Variants in SASS6 observed in about 807,000 individuals in gnomAD.
The protein encoded by SASS6 is spindle assembly abnormal protein 6 homolog.
Under a neutral mutation model 94.9 loss-of-function variants are expected in SASS6, and 59 were observed. The observed-to-expected ratio is 0.62, with a 90% CI of 0.50 to 0.77. The LOEUF (loss-of-function observed/expected upper bound fraction) is 0.77, where lower values mean the gene tolerates loss of function less well. Ranked by LOEUF, SASS6 falls within the 30% of genes least tolerant of loss-of-function variation. The pLI, the probability that SASS6 is intolerant of heterozygous loss-of-function variation, is 0.00. For missense variants in SASS6, 698 were observed against 734.1 expected (o/e 0.95, Z 0.57); for synonymous variants, 264 against 270.0 (o/e 0.98, Z 0.22).
chr1:100,097,774 A>G (rs512999), intron 14 of SASS6, among the ~76,000 whole-genome samples: 33,375 of 152,074 alleles, frequency 0.22, 5,137 homozygotes, highest in African/African-American at 0.44. Flanking sequence ...AGGCTGCAAT[A>G]AGCCATGATC....
intron 14 of SASS6, among the ~76,000 whole-genome samples, chr1:100,099,800 G>C (rs1652337871): frequency 6.6e-6 from 1 of 152,078 alleles, no homozygotes; most frequent in South Asian, 2.1e-4. Context: ...ATTGTGTACG[G>C]CATTTCCAGA....
intron 14 of SASS6, among the ~76,000 whole-genome samples, chr1:100,095,067 A>C (rs180860121): frequency 6.6e-6 from 1 of 152,292 alleles, no homozygotes; most frequent in East Asian, 1.9e-4. Context: ...TTTAACAACC[A>C]TTCATGATAA....
rs1653000672 is a variant in SASS6 at position 100,107,559 on chromosome 1, A to G, written c.1147-6T>C. On this transcript the variant is annotated splice_region_variant and splice_polypyrimidine_tract_variant and intron_variant, in intron 10 of 16. Coordinates refer to ENST00000287482, the MANE Select transcript of SASS6 (RefSeq NM_194292.3). The stretch of plus-strand genomic sequence containing the variant: ...TTCTTGATAATTTCATTTGCCTATA[A>G]AAGAGCTTCATATGTATATTTCTAT... 6.3e-7 allele frequency: 1 copy of G among 1,586,434 alleles called. No homozygotes were observed. The highest frequency in any genetic ancestry group is 1.4e-5 in the African/African-American group (1 of 73,676).
chr1:100,097,759 G>T (rs993654404), intron 14 of SASS6, among the ~76,000 whole-genome samples: 2 of 152,108 alleles, frequency 1.3e-5, no homozygotes, highest in Non-Finnish European at 2.9e-5. Context: ...AGCCCAGGGA[G>T]GTCGAGGCTG....
At chr1:100,119,613 TG>T (rs1345534491) in intron 6 of SASS6, among the ~76,000 whole-genome samples, 1 of 152,154 alleles carries the variant, frequency 6.6e-6, no homozygotes, top group Admixed American at 6.5e-5. Context: ...GCAGGGCCTG[TG>T]GTAGGTGATT....
chr1:100,107,364 T>G lies in SASS6; in HGVS notation c.1326+10A>C. ...TTAGTTACAACATAAAAATTTAAAA[T>G]ATTAACTACCTCTTGCTCTTTAATT... is the stretch of plus-strand genomic sequence containing the variant. On this transcript the variant is annotated intron_variant, in intron 11 of 16. Coordinates refer to ENST00000287482, the MANE Select transcript of SASS6 (RefSeq NM_194292.3). The G allele has an allele frequency of 2.0e-6, 3 of 1,530,632 alleles. No homozygotes were observed. Among genetic ancestry groups the G allele is most frequent in the Non-Finnish European group, 1.8e-6 (2 of 1,128,206 alleles). 94.8% of individuals were successfully genotyped at this position (1,530,632 alleles called of 1,614,324 possible). A position where few individuals can be genotyped will look rare whatever the true frequency, so the allele number is the denominator to read the frequency against.
At chr1:100,131,066 C>G (rs1379322837) in intron 1 of SASS6, among the ~76,000 whole-genome samples, 2 of 152,172 alleles carry the variant, frequency 1.3e-5, no homozygotes, top group African/African-American at 2.4e-5. Context: ...CTAGGAGTTT[C>G]CATATTGAAA....
chr1:100,098,265 A>G (rs1451044987), intron 14 of SASS6, among the ~76,000 whole-genome samples: 6 of 152,126 alleles, frequency 3.9e-5, no homozygotes, highest in Non-Finnish European at 7.4e-5. Flanking sequence ...CCAAACAAAA[A>G]AAAACGAATA....
In SASS6 at chr1:100,084,460, TTA is replaced by T. The variant is rs1651082574; in HGVS notation, c.*866_*867del. On this transcript the variant is annotated 3_prime_UTR_variant, in exon 17 of 17. Transcript: ENST00000287482. ...AGAAGAAAATTGTACCTTCTAACAG[TTA>T]TTTGTTTTGCCTAGTTTATTAACAT... The T allele has an allele frequency of 6.6e-6, 1 of 152,112 alleles. No homozygotes were observed. Among genetic ancestry groups the T allele is most frequent in the Non-Finnish European group, 1.5e-5 (1 of 67,960 alleles). The allele number at this position is 152,112 out of a possible 1,614,324, so 9.4% of individuals were successfully genotyped here.
At chr1:100,123,332 G>A in intron 2 of SASS6, 43 bp from the exon 3 acceptor site, 1 of 900,820 alleles carries the variant, frequency 1.1e-6, no homozygotes, top group Non-Finnish European at 1.8e-6. Context: ...TACTAGATCT[G>A]GCCTTTTGAG....
Position 100,117,325 on chromosome 1 carries a change from G to A in SASS6, c.669+1693C>T, listed in dbSNP as rs374526059. Among the ~76,000 whole-genome samples the A allele has an allele frequency of 1.1e-4, 16 of 151,184 alleles. No individual in the cohort carries two copies. The East Asian group carries it at 2.7e-3, about 26-fold the overall frequency. ...AAAAAAAGAAGCTATAGTACGAAAG[G>A]TAGAAAAGGAATTCATACTACAAAG... On this transcript the variant is annotated intron_variant, in intron 7 of 16. Coordinates refer to ENST00000287482, the MANE Select transcript of SASS6 (RefSeq NM_194292.3).
Position 100,132,775 on chromosome 1 carries a change from C to T in SASS6, c.40G>A (p.Val14Met), listed in dbSNP as rs780127899. 2.2e-5 allele frequency: 35 copies of T among 1,614,120 alleles called. No homozygotes were observed. Among genetic ancestry groups the T allele is most frequent in the Non-Finnish European group, 3.0e-5 (35 of 1,179,948 alleles). The change falls in exon 1 of 17, where the codon GTG becomes ATG. Residue 14 changes from valine (V) to methionine (M), a missense_variant. Physicochemically the swap from Val to Met is conservative, Grantham distance 21. Transcript: ENST00000287482. ...CTCTCCTCACAGTCTTTGCATTTCA[C>T]CTGCAACGGGACTAGTTGGTGGAAC... ...VLFHQLVPLQ[V>M]KCKDCEERRV...
intron 14 of SASS6, among the ~76,000 whole-genome samples, chr1:100,098,508 TGTTA>T (rs1652254489): frequency 6.6e-6 from 1 of 151,966 alleles, no homozygotes; most frequent in Non-Finnish European, 1.5e-5. Context: ...ATCAAGAAAA[TGTTA>T]ATTAACATTA....
intron 7 of SASS6, among the ~76,000 whole-genome samples, chr1:100,118,211 A>G (rs1653932006): frequency 6.6e-6 from 1 of 152,140 alleles, no homozygotes; most frequent in Non-Finnish European, 1.5e-5. Flanking sequence ...GCTACTTGGG[A>G]GGCTGAGGCA....
At chr1:100,092,309 G>A (rs1651766491) in intron 14 of SASS6, among the ~76,000 whole-genome samples, 1 of 152,098 alleles carries the variant, frequency 6.6e-6, no homozygotes, top group African/African-American at 2.4e-5. Flanking sequence ...AATGCTTAAG[G>A]AAAAGGATTA....
intron 14 of SASS6, among the ~76,000 whole-genome samples, chr1:100,094,879 A>G (rs1652007791): frequency 6.6e-6 from 1 of 151,680 alleles, no homozygotes; most frequent in Non-Finnish European, 1.5e-5. Context: ...AAAAAAAAAA[A>G]AGAAAAAGAA....
intron 7 of SASS6, among the ~76,000 whole-genome samples, chr1:100,113,330 C>T (rs568598043): frequency 4.6e-5 from 7 of 152,072 alleles, no homozygotes; most frequent in Admixed American, 3.9e-4. Flanking sequence ...AAAAAAAGGC[C>T]GGGCCCGGTG....
intron 12 of SASS6, among the ~76,000 whole-genome samples, chr1:100,106,461 A>C (rs1652913251): frequency 6.6e-6 from 1 of 152,210 alleles, no homozygotes; most frequent in African/African-American, 2.4e-5. Context: ...TTATTATAGA[A>C]AAGGCATTAA....
At chr1:100,132,101 A>C (rs1265651512) in intron 1 of SASS6, among the ~76,000 whole-genome samples, 1 of 152,224 alleles carries the variant, frequency 6.6e-6, no homozygotes. Flanking sequence ...CAGTGATTGT[A>C]AACTCCATGA....
Sources: gnomAD v4.1 joint callset for allele counts (sites outside exome capture counted in the v4.1 genomes callset) on GRCh38, gnomAD v4.1.1 for gene constraint, MANE v1.5 for transcripts, NCBI Gene and HGNC (gene_info 2026-07-23, HGNC 2026-07-21) for gene names.